Variants in PALS1 observed in about 807,000 individuals in gnomAD.
PALS1 encodes the protein protein associated with LIN7 1, MAGUK p55 family member.
PALS1 carries 31 observed loss-of-function variants against 78.9 expected under a neutral mutation model. The ratio of observed to expected loss-of-function variants is 0.39; its 90% CI spans 0.30 to 0.53. PALS1 has a LOEUF of 0.53. Ranked by LOEUF, PALS1 falls within the 20% of genes least tolerant of loss-of-function variation. PALS1 has a pLI of 0.67. For missense variants in PALS1, 704 were observed against 826.5 expected (o/e 0.85, Z 1.82); for synonymous variants, 276 against 270.9 (o/e 1.02, Z -0.18).
intron 13 of PALS1, 129 bp downstream of exon 13, chr14:67,321,388 A>G (rs2140995162): frequency 1.2e-6 from 1 of 823,682 alleles, no homozygotes; most frequent in Non-Finnish European, 1.9e-6. Flanking sequence ...TTTCCCACTG[A>G]TTTGCTATCT....
In PALS1 at chr14:67,335,273, G is replaced by C. The variant is rs1020737688; in HGVS notation, c.*2317G>C. On this transcript the variant is annotated 3_prime_UTR_variant, in exon 15 of 15. Coordinates refer to ENST00000261681, the MANE Select transcript of PALS1 (RefSeq NM_022474.4). ...TCCTTAAAGTGAAAACTGAGTTGTT[G>C]CTGACCTCCACAAAAGAATATGGAA... 1.6e-4 allele frequency: 25 copies of C among 152,192 alleles called. No individual in the cohort carries two copies. Among genetic ancestry groups the C allele is most frequent in the African/African-American group, 5.5e-4 (23 of 41,446 alleles). The allele number at this position is 152,192 out of a possible 1,614,324, so 9.4% of individuals were successfully genotyped here.
chr14:67,302,423 G>C lies in PALS1; in HGVS notation c.815G>C (p.Arg272Pro). The change falls in exon 7 of 15, where the codon CGT becomes CCT. Residue 272 changes from arginine to proline, a missense_variant. By Grantham distance (103) the Arg-to-Pro change is moderately radical. Transcript: ENST00000261681. ...ARDIPLGATV[R>P]NEMDSVIISR... ...ATATATTTTTAGGGTGCTACAGTTCGTAATGAAATGGACTCTGTCATCATT... is the reference window on the plus strand; with the variant it reads ...ATATATTTTTAGGGTGCTACAGTTCCTAATGAAATGGACTCTGTCATCATT... 5.7e-6 allele frequency: 9 copies of C among 1,588,260 alleles called. No individual in the cohort carries two copies. Among genetic ancestry groups the C allele is most frequent in the Non-Finnish European group, 7.7e-6 (9 of 1,166,514 alleles).
chr14:67,317,292 G>T (rs1037924478), intron 10 of PALS1, 116 bp from the exon 11 acceptor site: 6 of 918,418 alleles, frequency 6.5e-6, no homozygotes, highest in Non-Finnish European at 9.6e-6. Flanking sequence ...TGGAGATCTC[G>T]TTTCTGCAAA....
intron 1 of PALS1, among the ~76,000 whole-genome samples, chr14:67,244,488 TTAACTC>T (rs1458452996): frequency 1.3e-5 from 2 of 152,222 alleles, no homozygotes; most frequent in Admixed American, 1.3e-4. Flanking sequence ...TAAAAAATAT[TTAACTC>T]TAATTTACAT....
chr14:67,266,964 C>T (rs905515987), intron 1 of PALS1, among the ~76,000 whole-genome samples: 2 of 151,696 alleles, frequency 1.3e-5, no homozygotes, highest in African/African-American at 4.8e-5. Flanking sequence ...ACAAAATTAG[C>T]CAGGCGTGGT....
At chr14:67,253,316 A>G (rs1372839084) in intron 1 of PALS1, among the ~76,000 whole-genome samples, 1 of 152,208 alleles carries the variant, frequency 6.6e-6, no homozygotes, top group Non-Finnish European at 1.5e-5. Context: ...CTTGGTTGTT[A>G]TAGTCTGAGG....
At chr14:67,300,280 G>A (rs1428305328) in intron 4 of PALS1, among the ~76,000 whole-genome samples, 1 of 150,684 alleles carries the variant, frequency 6.6e-6, no homozygotes, top group Non-Finnish European at 1.5e-5. Context: ...CTGATAAAAT[G>A]ATTTAAAATA....
chr14:67,258,281 T>C (rs114245299), intron 1 of PALS1, among the ~76,000 whole-genome samples: 5,230 of 152,180 alleles, frequency 0.034, 123 homozygotes, highest in Middle Eastern at 0.065. Flanking sequence ...ACTCCTGTAA[T>C]TCTAGCACTT....
At chr14:67,265,413 C>G (rs571420726) in intron 1 of PALS1, among the ~76,000 whole-genome samples, 41 of 152,004 alleles carry the variant, frequency 2.7e-4, no homozygotes. Flanking sequence ...CAAAAAGTAG[C>G]TGGATGGTGG....
chr14:67,318,824 G>A (rs557579285), intron 11 of PALS1, among the ~76,000 whole-genome samples: 6 of 152,184 alleles, frequency 3.9e-5, no homozygotes, highest in Admixed American at 3.9e-4. Context: ...TTGGGAGGCC[G>A]AGGCAGGCGG....
chr14:67,263,199 A>T (rs1016825826), intron 1 of PALS1, among the ~76,000 whole-genome samples: 1 of 152,188 alleles, frequency 6.6e-6, no homozygotes, highest in Non-Finnish European at 1.5e-5. Flanking sequence ...TTACTTCAGG[A>T]AATGTTATGT....
intron 2 of PALS1, chr14:67,270,423 T>G (rs533410859): frequency 5.3e-5 from 8 of 152,204 alleles, no homozygotes; most frequent in East Asian, 1.9e-4. Context: ...TTTGAAGCTT[T>G]CTTTCTTTCT....
At chr14:67,269,330 C>G (rs1438102177) in intron 1 of PALS1, among the ~76,000 whole-genome samples, 1 of 151,208 alleles carries the variant, frequency 6.6e-6, no homozygotes, top group Non-Finnish European at 1.5e-5. Flanking sequence ...TATTTTTGTA[C>G]AAGTTTTTGT....
At chr14:67,315,384 C>T (rs1239317266) in intron 9 of PALS1, among the ~76,000 whole-genome samples, 2 of 144,546 alleles carry the variant, frequency 1.4e-5, no homozygotes, top group Non-Finnish European at 3.0e-5. Flanking sequence ...TCATGCCCTT[C>T]TTCTCTCTCA....
At chr14:67,297,641 G>A (rs1041254672) in intron 4 of PALS1, among the ~76,000 whole-genome samples, 3 of 152,146 alleles carry the variant, frequency 2.0e-5, no homozygotes, top group Non-Finnish European at 2.9e-5. Context: ...TTGTCCAGAT[G>A]TAAGATTTTG....
chr14:67,306,513 T>TTGTGTGTG (rs35688419), intron 8 of PALS1, among the ~76,000 whole-genome samples: 4 of 147,430 alleles, frequency 2.7e-5, no homozygotes, highest in African/African-American at 9.9e-5. Flanking sequence ...CTGGCTGAAT[T>TTGTGTGTG]TGTGTGTGTG....
chr14:67,254,858 T>C (rs946817162), intron 1 of PALS1, among the ~76,000 whole-genome samples: 5 of 152,164 alleles, frequency 3.3e-5, no homozygotes, highest in African/African-American at 1.2e-4. Flanking sequence ...AAGTTAGAAG[T>C]TGGAATCTCT....
intron 1 of PALS1, among the ~76,000 whole-genome samples, chr14:67,259,086 G>A (rs530150581): frequency 2.1e-4 from 31 of 148,946 alleles, no homozygotes; most frequent in East Asian, 4.2e-4. Context: ...CAAGTGATCC[G>A]CCTGCCTCGG....
intron 14 of PALS1, among the ~76,000 whole-genome samples, chr14:67,327,163 A>G (rs1479066801): frequency 1.3e-5 from 2 of 152,178 alleles, no homozygotes; most frequent in Non-Finnish European, 2.9e-5. Flanking sequence ...CAACAGAGTA[A>G]GACTCTCAAA....
Sources: allele counts gnomAD v4.1 joint callset (sites outside exome capture counted in the v4.1 genomes callset), GRCh38; gene constraint gnomAD v4.1.1; transcripts MANE v1.5; gene names NCBI Gene and HGNC (gene_info 2026-07-23, HGNC 2026-07-21).